Variants in TGIF1 observed in about 807,000 individuals in gnomAD.
TGIF1 encodes TGFB induced factor homeobox 1.
In TGIF1, 4 loss-of-function variants were observed where a neutral mutation model predicts 19.3. The observed-to-expected ratio is 0.21, with a 90% confidence interval of 0.10 to 0.47. The LOEUF (loss-of-function observed/expected upper bound fraction) is 0.47, where lower values mean the gene tolerates loss of function less well. TGIF1 is among the 20% of genes least tolerant of loss of function. TGIF1 has a pLI of 0.98. For missense variants in TGIF1, 275 were observed against 341.4 expected (o/e 0.81, Z 1.53); for synonymous variants, 122 against 129.3 (o/e 0.94, Z 0.38).
At chr18:3,442,872 G>A (rs2082692536) in intron 2 of TGIF1, among the ~76,000 whole-genome samples, 1 of 152,172 alleles carries the variant, frequency 6.6e-6, no homozygotes, top group Non-Finnish European at 1.5e-5. Flanking sequence ...TACTTACCTG[G>A]GAGATAGACA....
upstream of TGIF1, chr18:3,448,095 C>G (rs2082779499): frequency 1.1e-6 from 1 of 943,924 alleles, no homozygotes; most frequent in African/African-American, 2.3e-5. Flanking sequence ...TAGGGTTAAA[C>G]CGACCGAAGG....
In TGIF1 at chr18:3,429,883, AGT is replaced by A. The variant is rs2082524448; in HGVS notation, c.-45+11670_-45+11671del. 2.0e-5 allele frequency among the ~76,000 whole-genome samples: 3 copies of A among 152,256 alleles called. No individual in the cohort carries two copies. The South Asian group carries it at 6.2e-4, about 31-fold the overall frequency. On this transcript the variant is annotated intron_variant, in intron 2 of 3. Coordinates refer to the TGIF1 transcript ENST00000401449. ...ACCTGAAAAGGCTGAGGCTGGGCAC[AGT>A]GGCTTGTGCCTGTAATCCCAACACT... is the stretch of plus-strand genomic sequence containing the variant.
At chr18:3,419,020 T>A (rs1481474596) in intron 2 of TGIF1, among the ~76,000 whole-genome samples, 1 of 152,162 alleles carries the variant, frequency 6.6e-6, no homozygotes, top group Non-Finnish European at 1.5e-5. Context: ...ATCGTGCCAT[T>A]ACACTCCAGC....
At chr18:3,432,571 AC>A (rs2082562590) in intron 2 of TGIF1, among the ~76,000 whole-genome samples, 2 of 152,218 alleles carry the variant, frequency 1.3e-5, no homozygotes, top group South Asian at 4.1e-4. Flanking sequence ...TATTTAGGGC[AC>A]AAAGGGCAAC....
chr18:3,453,515 C>T (rs1308134336), intron 1 of TGIF1, among the ~76,000 whole-genome samples: 2 of 151,694 alleles, frequency 1.3e-5, no homozygotes, highest in African/African-American at 2.4e-5. Flanking sequence ...GGAGAAACCC[C>T]GTCTCTCCTA....
At chr18:3,445,722 T>TA (rs2082733081), upstream of TGIF1, among the ~76,000 whole-genome samples, 1 of 2,528 alleles carries the variant, frequency 4.0e-4, no homozygotes, top group Non-Finnish European at 7.0e-4. Flanking sequence ...AGACTCTGTC[T>TA]CAAAAAAAAA....
chr18:3,456,055 T>C lies in TGIF1; in HGVS notation c.17-299T>C. The C allele has an allele frequency of 2.3e-6, 1 of 437,090 alleles. No individual in the cohort carries two copies. Among genetic ancestry groups the C allele is most frequent in the Non-Finnish European group, 4.3e-6 (1 of 234,084 alleles). The allele number at this position is 437,090 out of a possible 1,614,324, so 27.1% of individuals were successfully genotyped here. ...TTCATTTTGGGTGCAGTTTGTCTCC[T>C]CCAATGATTAGACGAAAGAGTTTTC... is the stretch of plus-strand genomic sequence containing the variant. On this transcript the variant is annotated intron_variant, in intron 1 of 2. Coordinates refer to ENST00000343820, the MANE Select transcript of TGIF1 (RefSeq NM_003244.4). The surrounding 1 kb of genome is among the most constrained non-coding windows in gnomAD (Gnocchi z 4.2).
intron 2 of TGIF1, among the ~76,000 whole-genome samples, chr18:3,419,904 G>T (rs1384715015): frequency 1.3e-5 from 2 of 152,050 alleles, no homozygotes; most frequent in Non-Finnish European, 2.9e-5. Context: ...TACTCAGGAG[G>T]CTGAGGCAGG....
At chr18:3,454,260 C>T (rs1441919047) in intron 1 of TGIF1, among the ~76,000 whole-genome samples, 1 of 152,100 alleles carries the variant, frequency 6.6e-6, no homozygotes, top group Non-Finnish European at 1.5e-5. Context: ...TCTTGTCAAA[C>T]TAGGCAAGCA....
At chr18:3,449,538 T>TGCCCCCCC, upstream of TGIF1, 10 of 961,942 alleles carry the variant, frequency 1.0e-5, no homozygotes, top group Non-Finnish European at 1.1e-5. Flanking sequence ...GTCTCATCAT[T>TGCCCCCCC]CCCCCCCGCC....
chr18:3,423,332 A>G (rs970495074), intron 2 of TGIF1, among the ~76,000 whole-genome samples: 6 of 152,180 alleles, frequency 3.9e-5, no homozygotes, highest in Non-Finnish European at 5.9e-5. Context: ...GGGTCCCTTG[A>G]GCCCAGAGTT....
At position 3,452,223 on chromosome 18, in the gene TGIF1, CCT is replaced by C. The variant is rs202189171; in HGVS notation, c.16+1720_16+1721del. 3.4e-3 allele frequency: 5,080 copies of C among 1,480,846 alleles called. 11 individuals carry two copies. Among genetic ancestry groups the C allele is most frequent in the Non-Finnish European group, 4.3e-3 (4,623 of 1,064,486 alleles). The allele number at this position is 1,480,846 out of a possible 1,614,324, so 91.7% of individuals were successfully genotyped here. A position where few individuals can be genotyped will look rare whatever the true frequency, so the allele number is the denominator to read the frequency against. On this transcript the variant is annotated intron_variant, in intron 1 of 2. Transcript: ENST00000343820. ...GCTCCTGGGGTCCTCCTGCGCCCCCCCTCCTCCACCGGCGCGCTGCCCACAGC... is the reference window on the plus strand; with the variant it reads ...GCTCCTGGGGTCCTCCTGCGCCCCCCCCTCCACCGGCGCGCTGCCCACAGC...
In TGIF1 at chr18:3,450,426, T is replaced by G. The variant is rs1275839784; in HGVS notation, c.-64T>G. 3 of 1,551,150 alleles carry G rather than the reference T, an allele frequency of 1.9e-6. No individual in the cohort carries two copies. The highest frequency in any genetic ancestry group is 4.9e-5 in the East Asian group (2 of 40,926). On this transcript the variant is annotated 5_prime_UTR_variant, in exon 1 of 3. Coordinates refer to ENST00000343820, the MANE Select transcript of TGIF1 (RefSeq NM_003244.4). ...GTGAAGGAGACGTTCGCTTATCCCC[T>G]GTGTCCCCGCTCCTGGCCCCTCCAG...
chr18:3,422,636 C>T (rs557988228), intron 2 of TGIF1, among the ~76,000 whole-genome samples: 1 of 148,972 alleles, frequency 6.7e-6, no homozygotes, highest in East Asian at 2.0e-4. Flanking sequence ...TTCAGTCCTG[C>T]AGGCTCCATT....
upstream of TGIF1, chr18:3,450,062 G>A (rs1303159429): frequency 4.9e-6 from 5 of 1,013,938 alleles, no homozygotes; most frequent in Non-Finnish European, 3.5e-6. Context: ...CAGTCTTCCC[G>A]GCTGGAAGGT....
rs1404151429 is a variant in TGIF1 at position 3,450,308 on chromosome 18, G to T, written c.-182G>T. Reference sequence around the variant, plus strand: ...GCGGGAGGAAGCCCAAGTGTCACTTGAATTCCACCCAAGGAGCGGGCGCCT... The same window carrying T: ...GCGGGAGGAAGCCCAAGTGTCACTTTAATTCCACCCAAGGAGCGGGCGCCT... On this transcript the variant is annotated 5_prime_UTR_variant, in exon 1 of 3. Transcript: ENST00000343820. 1.4e-6 allele frequency: 2 copies of T among 1,449,306 alleles called. No individual in the cohort carries two copies. The highest frequency in any genetic ancestry group is 9.1e-7 in the Non-Finnish European group (1 of 1,101,122). 89.8% of individuals were successfully genotyped at this position (1,449,306 alleles called of 1,614,324 possible).
chr18:3,422,788 T>A (rs2082422892), intron 2 of TGIF1, among the ~76,000 whole-genome samples: 1 of 148,848 alleles, frequency 6.7e-6, no homozygotes, highest in African/African-American at 2.5e-5. Context: ...CCTCCTGGGT[T>A]CACACCATTC....
At chr18:3,453,288 C>G (rs755340539) in intron 1 of TGIF1, among the ~76,000 whole-genome samples, 2 of 152,116 alleles carry the variant, frequency 1.3e-5, no homozygotes, top group Non-Finnish European at 2.9e-5. Flanking sequence ...TTGCTTTTTC[C>G]TAATTGTGCA....
chr18:3,426,916 CTTT>C (rs545236407), intron 2 of TGIF1, among the ~76,000 whole-genome samples: 4 of 100,074 alleles, frequency 4.0e-5, no homozygotes, highest in African/African-American at 1.6e-4. Context: ...AGGATGATCT[CTTT>C]TTTTTTTTTT....
Sources: allele counts gnomAD v4.1 joint callset (sites outside exome capture counted in the v4.1 genomes callset), GRCh38; gene constraint gnomAD v4.1.1; non-coding constraint Gnocchi (gnomAD v3.1); transcripts MANE v1.5; gene names NCBI Gene and HGNC (gene_info 2026-07-23, HGNC 2026-07-21).